IGSF21: variants seen among roughly 807,000 people sequenced by gnomAD.
IGSF21 encodes the protein immunoglobulin superfamily member 21.
A neutral mutation model predicts 46.8 loss-of-function variants in IGSF21; 28 were observed. The ratio of observed to expected loss-of-function variants is 0.60; its 90% confidence interval spans 0.44 to 0.82. The LOEUF (loss-of-function observed/expected upper bound fraction) is 0.82, where lower values mean the gene tolerates loss of function less well. Among genes scored for constraint, IGSF21 ranks in the 40% least tolerant of loss-of-function variants. The pLI, the probability that IGSF21 is intolerant of heterozygous loss-of-function variation, is 0.00. For missense variants in IGSF21, 624 were observed against 665.5 expected, an observed-to-expected ratio of 0.94 and a Z score of 0.69; for synonymous variants, 284 against 273.6, an observed-to-expected ratio of 1.04 and a Z score of -0.38.
chr1:18,365,326 T>C lies in IGSF21; in HGVS notation c.644T>C (p.Leu215Pro). ...PLQDSRPFRS[L>P]LHRDLDDTKM... ...CAGGACAGCAGGCCCTTCCGCAGCC[T>C]TCTGCACCGTGACCTGGATGACACC... The change falls in exon 6 of 10, where the codon CTT becomes CCT. Residue 215 changes from leucine (L) to proline (P), a missense_variant. Leu to Pro is a moderately conservative substitution (Grantham distance 98, BLOSUM62 -3). Coordinates refer to ENST00000251296, the MANE Select transcript of IGSF21 (RefSeq NM_032880.5). The surrounding 1 kb of genome is among the most constrained non-coding windows in gnomAD (Gnocchi z 4.8). 1 of 1,614,064 alleles carries C rather than the reference T, an allele frequency of 6.2e-7. No homozygotes were observed. Among genetic ancestry groups the C allele is most frequent in the South Asian group, 1.1e-5 (1 of 91,074 alleles).
chr1:18,281,919 G>A (rs545547871), intron 2 of IGSF21, among the ~76,000 whole-genome samples: 3 of 152,286 alleles, frequency 2.0e-5, no homozygotes, highest in African/African-American at 7.2e-5. Flanking sequence ...TGGATTTGGG[G>A]GTGTGGTGGA....
In IGSF21 at chr1:18,152,353, A is replaced by C. The variant is rs527787998; in HGVS notation, c.70+44155A>C. ...GCAGTCATCGTGCCCTGCCCTGGAGACACCTGTCCCAGGATTCTATGTTAG... is the reference window on the plus strand; with the variant it reads ...GCAGTCATCGTGCCCTGCCCTGGAGCCACCTGTCCCAGGATTCTATGTTAG... On this transcript the variant is annotated intron_variant, in intron 1 of 9. Transcript: ENST00000251296. Among the ~76,000 whole-genome samples, 37 of 152,174 alleles carry C rather than the reference A, an allele frequency of 2.4e-4. 1 individual carries two copies. The highest frequency in any genetic ancestry group is 5.1e-4 in the Non-Finnish European group (35 of 68,024).
intron 2 of IGSF21, among the ~76,000 whole-genome samples, chr1:18,248,292 C>T (rs572890957): frequency 7.9e-5 from 12 of 152,312 alleles, no homozygotes; most frequent in East Asian, 3.9e-4. Flanking sequence ...GACACTGCAA[C>T]GCATTTCGAG....
At chr1:18,305,548 A>C (rs1188239094) in intron 3 of IGSF21, among the ~76,000 whole-genome samples, 1 of 142,846 alleles carries the variant, frequency 7.0e-6, no homozygotes, top group Non-Finnish European at 1.5e-5. Flanking sequence ...TGGATGGATG[A>C]TGGATGGATG....
In IGSF21 at chr1:18,143,094, G is replaced by A. The variant is rs369526633; in HGVS notation, c.70+34896G>A. 2.6e-5 allele frequency among the ~76,000 whole-genome samples: 4 copies of A among 152,330 alleles called. No homozygotes were observed. In the East Asian group the frequency reaches 7.8e-4, roughly 30 times the overall value. On this transcript the variant is annotated intron_variant, in intron 1 of 9. Coordinates refer to ENST00000251296, the MANE Select transcript of IGSF21 (RefSeq NM_032880.5). ...CTGACCCCACACAGGCCTAGTAACA[G>A]CAGATGTCTGCGGTTCAGCTTCCAA...
At chr1:18,242,130 T>C (rs55957114) in intron 2 of IGSF21, among the ~76,000 whole-genome samples, 50 of 152,212 alleles carry the variant, frequency 3.3e-4, no homozygotes, top group Non-Finnish European at 5.9e-4. Flanking sequence ...CAACGTCAAA[T>C]GAGGACTTGA....
intron 1 of IGSF21, among the ~76,000 whole-genome samples, chr1:18,226,583 G>T (rs945439223): frequency 2.6e-5 from 4 of 152,176 alleles, no homozygotes; most frequent in African/African-American, 9.7e-5. Flanking sequence ...CTGGAGGCTG[G>T]GTCCTGAAGC....
chr1:18,264,398 A>T (rs902834468), intron 2 of IGSF21, among the ~76,000 whole-genome samples: 2 of 152,182 alleles, frequency 1.3e-5, no homozygotes, highest in Non-Finnish European at 2.9e-5. Flanking sequence ...GTTTATTGTC[A>T]TTATTAATGA....
rs1478449697 is a variant in IGSF21 at position 18,322,359 on chromosome 1, G to A, written c.306-12533G>A. The stretch of plus-strand genomic sequence containing the variant: ...CCAGAGGCAGCCACCTTCCACGCCC[G>A]TCTTCCCTCTTCTGGTGGAGGCAGG... On this transcript the variant is annotated intron_variant, in intron 3 of 9. Transcript: ENST00000251296. This position sits in a 1 kb window ranked among gnomAD's most constrained non-coding sequence, Gnocchi z 4.3. Among the ~76,000 whole-genome samples, 1 of 152,196 alleles carries A rather than the reference G, an allele frequency of 6.6e-6. No individual in the cohort carries two copies. The highest frequency in any genetic ancestry group is 1.5e-5 in the Non-Finnish European group (1 of 68,002).
At chr1:18,375,521 G>A (rs930751970) in intron 6 of IGSF21, among the ~76,000 whole-genome samples, 5 of 152,134 alleles carry the variant, frequency 3.3e-5, no homozygotes, top group Admixed American at 3.3e-4. Context: ...CATGCCTTTG[G>A]GCATCTTGGC....
chr1:18,206,493 G>A (rs563598079), intron 1 of IGSF21, among the ~76,000 whole-genome samples: 7 of 151,086 alleles, frequency 4.6e-5, no homozygotes, highest in South Asian at 2.1e-4. Flanking sequence ...AGGCTGCGGC[G>A]AGCCATGATC....
intron 2 of IGSF21, among the ~76,000 whole-genome samples, chr1:18,285,874 A>G (rs1023245262): frequency 6.6e-6 from 1 of 152,212 alleles, no homozygotes; most frequent in African/African-American, 2.4e-5. Flanking sequence ...GTAGGCGCCA[A>G]TGTATGCCAG....
intron 1 of IGSF21, among the ~76,000 whole-genome samples, chr1:18,208,462 A>T (rs1261763502): frequency 2.8e-5 from 4 of 143,460 alleles, no homozygotes; most frequent in African/African-American, 1.0e-4. Flanking sequence ...GCTCACTGCA[A>T]GTTCCGCCTC....
chr1:18,368,224 G>A (rs944851988), intron 6 of IGSF21, among the ~76,000 whole-genome samples: 1 of 151,850 alleles, frequency 6.6e-6, no homozygotes, highest in Non-Finnish European at 1.5e-5. Context: ...TCACAAGCAG[G>A]GCCAGGCACA....
rs529641981 is a variant in IGSF21, at chr1:18,336,959, T to C, written c.424+1949T>C. ...ATCAGATCTTGTGAGACTTATTCACTATCATGAGAAATAGCACAGGAAAGA... is the reference window on the plus strand; with the variant it reads ...ATCAGATCTTGTGAGACTTATTCACCATCATGAGAAATAGCACAGGAAAGA... On this transcript the variant is annotated intron_variant, in intron 4 of 9. Transcript: ENST00000251296. 3.3e-5 allele frequency among the ~76,000 whole-genome samples: 5 copies of C among 152,322 alleles called. No homozygotes were observed. The South Asian group carries it at 1.0e-3, about 32-fold the overall frequency.
intron 4 of IGSF21, 133 bp from the exon 5 acceptor site, chr1:18,361,982 C>G (rs1411664302): frequency 1.3e-5 from 8 of 628,774 alleles, no homozygotes; most frequent in Non-Finnish European, 2.0e-5. Context: ...ATGGCACCCC[C>G]TGGAGTTTGG....
chr1:18,334,953 C>T lies in IGSF21; in HGVS notation c.367C>T (p.Arg123Cys), dbSNP rs750405435. 1.3e-5 allele frequency: 21 copies of T among 1,614,176 alleles called. No individual in the cohort carries two copies. The highest frequency in any genetic ancestry group is 1.4e-5 in the Non-Finnish European group (17 of 1,180,024). ...TGAGTGCCATGTGGGCATCTACGAC[C>T]GCGCCACCAGGGAGAAGGTGGTCCT... ...PYECHVGIYDRATREKVVLAS... is the reference protein window; with the variant it reads ...PYECHVGIYDCATREKVVLAS... The change falls in exon 4 of 10, where the codon CGC (arginine) becomes TGC (cysteine). Residue 123 changes from arginine (R) to cysteine (C), a missense_variant. Coordinates refer to ENST00000251296, the MANE Select transcript of IGSF21 (RefSeq NM_032880.5). The surrounding 1 kb of genome is among the most constrained non-coding windows in gnomAD (Gnocchi z 4.3).
intron 1 of IGSF21, among the ~76,000 whole-genome samples, chr1:18,184,455 G>A (rs550518606): frequency 9.2e-5 from 14 of 152,154 alleles, no homozygotes; most frequent in South Asian, 2.1e-4. Context: ...ATCTTTCCTC[G>A]TAAATTAATC....
At chr1:18,350,202 T>C (rs969786863) in intron 4 of IGSF21, among the ~76,000 whole-genome samples, 2 of 152,142 alleles carry the variant, frequency 1.3e-5, no homozygotes, top group African/African-American at 4.8e-5. Flanking sequence ...ATCCATTGGA[T>C]ATGGGGAGCC....
Sources: gnomAD v4.1 joint callset for allele counts (sites outside exome capture counted in the v4.1 genomes callset) on GRCh38, gnomAD v4.1.1 for gene constraint, Gnocchi (gnomAD v3.1) non-coding constraint, MANE v1.5 for transcripts, NCBI Gene and HGNC (gene_info 2026-07-23, HGNC 2026-07-21) for gene names.